Variants in SEMA3D observed in about 807,000 individuals in gnomAD.
SEMA3D encodes the protein semaphorin-3D.
Under a neutral mutation model 100.1 loss-of-function variants are expected in SEMA3D, and 84 were observed. The observed-to-expected ratio is 0.84, with a 90% CI of 0.70 to 1.01. The LOEUF (loss-of-function observed/expected upper bound fraction) is 1.01. SEMA3D is among the 50% of genes least tolerant of loss of function. The pLI is 0.00. For synonymous variants in SEMA3D, 312 were observed against 320.7 expected, an observed-to-expected ratio of 0.97 and a Z score of 0.29; for missense variants, 875 against 934.1, an observed-to-expected ratio of 0.94 and a Z score of 0.82.
chr7:85,122,085 T>A (rs567496238), intron 2 of SEMA3D, 154 bp from the exon 3 acceptor site: 4 of 474,796 alleles, frequency 8.4e-6, no homozygotes, highest in Non-Finnish European at 1.5e-5. Flanking sequence ...CAGGGCCTGT[T>A]GGGGGCTGGG....
chr7:85,236,591 C>CG, the SEMA3D span, among the ~76,000 whole-genome samples: 1 of 151,208 alleles, frequency 6.6e-6, no homozygotes, highest in Non-Finnish European at 1.5e-5. Flanking sequence ...CAGGCATGAG[C>CG]CACCGCACCC....
chr7:85,215,048 T>C, the SEMA3D span, among the ~76,000 whole-genome samples: 2 of 152,136 alleles, frequency 1.3e-5, no homozygotes, highest in African/African-American at 4.8e-5. Context: ...TTAGCTTGTA[T>C]TATAAAATTT....
chr7:85,222,697 G>T, the SEMA3D span, among the ~76,000 whole-genome samples: 1 of 152,194 alleles, frequency 6.6e-6, no homozygotes. Context: ...GTCTTTAGCA[G>T]AGATACTATA....
intron 3 of SEMA3D, among the ~76,000 whole-genome samples, chr7:85,119,097 T>C (rs182486747): frequency 6.6e-6 from 1 of 152,060 alleles, no homozygotes; most frequent in South Asian, 2.1e-4. Context: ...ATGGCTATTA[T>C]ATAAAAAGTC....
the SEMA3D span, among the ~76,000 whole-genome samples, chr7:85,242,347 A>C: frequency 2.6e-5 from 4 of 152,230 alleles, no homozygotes; most frequent in South Asian, 8.3e-4. Context: ...ACTGCATTTC[A>C]CAAATTTTGA....
intron 4 of SEMA3D, among the ~76,000 whole-genome samples, chr7:85,092,554 A>G (rs969468912): frequency 6.6e-6 from 1 of 152,192 alleles, no homozygotes; most frequent in Non-Finnish European, 1.5e-5. Context: ...GCATTATTTT[A>G]TGTATAATTA....
intron 2 of SEMA3D, chr7:85,144,621 A>G (rs1326273809): frequency 1.0e-6 from 1 of 984,320 alleles, no homozygotes; most frequent in Non-Finnish European, 1.2e-6. Flanking sequence ...ACACATATAT[A>G]CATTTTTTCC....
intron 1 of SEMA3D, among the ~76,000 whole-genome samples, chr7:85,184,368 T>G (rs2116586687): frequency 6.6e-6 from 1 of 152,278 alleles, no homozygotes; most frequent in African/African-American, 2.4e-5. Context: ...TTATCATCTC[T>G]AAAATAATAA....
the SEMA3D span, among the ~76,000 whole-genome samples, chr7:85,248,072 G>T: frequency 1.7e-4 from 26 of 152,008 alleles, no homozygotes; most frequent in Admixed American, 1.6e-3. Context: ...CAAAATATTT[G>T]CAAAAGACAT....
At chr7:85,111,216 A>G (rs1789083702) in intron 3 of SEMA3D, among the ~76,000 whole-genome samples, 1 of 151,986 alleles carries the variant, frequency 6.6e-6, no homozygotes, top group Non-Finnish European at 1.5e-5. Context: ...AGTCTTGTAG[A>G]TTTAAAAATT....
intron 9 of SEMA3D, among the ~76,000 whole-genome samples, chr7:85,048,929 T>C (rs1791082275): frequency 6.6e-6 from 1 of 151,808 alleles, no homozygotes; most frequent in Non-Finnish European, 1.5e-5. Flanking sequence ...ATTATAAGCA[T>C]TTTTTAACAT....
intron 3 of SEMA3D, among the ~76,000 whole-genome samples, chr7:85,109,564 A>G (rs936107562): frequency 3.9e-5 from 6 of 151,958 alleles, no homozygotes; most frequent in African/African-American, 1.4e-4. Flanking sequence ...TATAAATAAA[A>G]AGGACTTTCG....
intron 1 of SEMA3D, among the ~76,000 whole-genome samples, chr7:85,168,684 TACTC>T (rs1464746111): frequency 2.7e-5 from 4 of 149,928 alleles, no homozygotes; most frequent in Admixed American, 6.7e-5. Flanking sequence ...GATTATGAAT[TACTC>T]AAGCCCAGAG....
intron 1 of SEMA3D, among the ~76,000 whole-genome samples, chr7:85,177,989 G>A (rs1410531031): frequency 1.3e-5 from 2 of 152,118 alleles, no homozygotes; most frequent in Non-Finnish European, 1.5e-5. Flanking sequence ...TCGTGATAGT[G>A]AGTGAGTTCT....
intron 12 of SEMA3D, among the ~76,000 whole-genome samples, chr7:85,026,858 C>G (rs1376864768): frequency 1.3e-5 from 2 of 151,894 alleles, no homozygotes; most frequent in Non-Finnish European, 2.9e-5. Flanking sequence ...AAAGAGAAAA[C>G]AGGGTAGCTA....
intron 1 of SEMA3D, among the ~76,000 whole-genome samples, chr7:85,182,646 G>A (rs925397830): frequency 1.3e-5 from 2 of 152,076 alleles, no homozygotes; most frequent in African/African-American, 4.8e-5. Flanking sequence ...AAATTAAAAA[G>A]GATTTTGGCC....
intron 13 of SEMA3D, among the ~76,000 whole-genome samples, chr7:85,021,323 G>A (rs559240483): frequency 1.3e-5 from 2 of 151,806 alleles, no homozygotes; most frequent in African/African-American, 4.8e-5. Context: ...GTGAACTGTT[G>A]AACACCTAGT....
chr7:85,221,099 C>T, the SEMA3D span, among the ~76,000 whole-genome samples: 1 of 151,992 alleles, frequency 6.6e-6, no homozygotes, highest in African/African-American at 2.4e-5. Flanking sequence ...ACAGACAAAA[C>T]TAGCATAGAT....
chr7:85,171,214 T>C (rs1791074882), intron 1 of SEMA3D, among the ~76,000 whole-genome samples: 1 of 152,016 alleles, frequency 6.6e-6, no homozygotes, highest in South Asian at 2.1e-4. Flanking sequence ...TCCATTGCTG[T>C]AGACTAGGGC....
Sources: gnomAD v4.1 joint callset for allele counts (sites outside exome capture counted in the v4.1 genomes callset) on GRCh38, gnomAD v4.1.1 for gene constraint, MANE v1.5 for transcripts, NCBI Gene and HGNC (gene_info 2026-07-23, HGNC 2026-07-21) for gene names.